Variants in DLG2 observed in about 807,000 individuals in gnomAD.
The protein encoded by DLG2 is discs large MAGUK scaffold protein 2, also known as disks large homolog 2.
DLG2 carries 45 observed loss-of-function variants against 132.5 expected under a neutral mutation model. The observed-to-expected ratio is 0.34, with a 90% confidence interval of 0.27 to 0.44. DLG2 has a LOEUF of 0.44. Among genes scored for constraint, DLG2 ranks in the 20% least tolerant of loss-of-function variants. The pLI, the probability that DLG2 is intolerant of heterozygous loss-of-function variation, is 1.00. For missense variants in DLG2, 1,045 were observed against 1,196.9 expected (o/e 0.87, Z 1.87); for synonymous variants, 424 against 419.6 (o/e 1.01, Z -0.13).
In DLG2 at chr11:83,456,213, G is replaced by A. The variant is rs993902138; in HGVS notation, c.*3605C>T. On this transcript the variant is annotated 3_prime_UTR_variant, in exon 28 of 28. Coordinates refer to ENST00000376104, the MANE Select transcript of DLG2 (RefSeq NM_001142699.3). ...TAGTGCTGGGAGTGGGCTCGCTTAG[G>A]AGCAGTGTTCAGGCAGAGGCACTCA... The A allele has an allele frequency of 6.6e-6, 1 of 152,446 alleles. No homozygotes were observed. The highest frequency in any genetic ancestry group is 2.4e-5 in the African/African-American group (1 of 41,096). The allele number at this position is 152,446 out of a possible 1,614,324, so 9.4% of individuals were successfully genotyped here.
At chr11:83,649,077 G>A (rs2069179630) in intron 18 of DLG2, among the ~76,000 whole-genome samples, 1 of 152,098 alleles carries the variant, frequency 6.6e-6, no homozygotes, top group Non-Finnish European at 1.5e-5. Context: ...TAGAGACCAG[G>A]CACAACACGG....
intron 18 of DLG2, among the ~76,000 whole-genome samples, chr11:83,710,529 C>A (rs565957810): frequency 2.4e-4 from 37 of 152,136 alleles, no homozygotes; most frequent in Non-Finnish European, 1.8e-4. Flanking sequence ...ATAGTGAGTG[C>A]CAAGATGGAC....
chr11:83,874,509 A>G, intron 15 of DLG2, 21 bp from the exon 16 acceptor site: 1 of 1,563,740 alleles, frequency 6.4e-7, no homozygotes, highest in Non-Finnish European at 8.7e-7. Context: ...AGACAGAAGA[A>G]ACACACATCA....
chr11:84,274,456 C>A (rs1426708254), intron 7 of DLG2, among the ~76,000 whole-genome samples: 1 of 152,174 alleles, frequency 6.6e-6, no homozygotes, highest in East Asian at 1.9e-4. Context: ...GAAGACCAAA[C>A]AAGGTACAAA....
chr11:84,752,542 C>T (rs192943739), intron 6 of DLG2, among the ~76,000 whole-genome samples: 58 of 149,866 alleles, frequency 3.9e-4, no homozygotes, highest in Non-Finnish European at 5.3e-4. Flanking sequence ...GATAACATGG[C>T]TGCTTCTTTG....
At chr11:85,533,112 C>A (rs1392717451) in intron 3 of DLG2, among the ~76,000 whole-genome samples, 1 of 152,158 alleles carries the variant, frequency 6.6e-6, no homozygotes, top group African/African-American at 2.4e-5. Flanking sequence ...CAACCTCCCC[C>A]TCCCGGGTTC....
At chr11:84,509,114 T>C (rs2099250286) in intron 7 of DLG2, among the ~76,000 whole-genome samples, 1 of 152,224 alleles carries the variant, frequency 6.6e-6, no homozygotes, top group African/African-American at 2.4e-5. Context: ...ATATATGAAC[T>C]AAATAAACCG....
intron 22 of DLG2, among the ~76,000 whole-genome samples, chr11:83,474,496 G>A (rs1467679280): frequency 1.3e-5 from 2 of 151,962 alleles, no homozygotes; most frequent in East Asian, 3.9e-4. Flanking sequence ...ACTTTACAGG[G>A]GAAATCTTCA....
chr11:84,603,564 GT>G (rs950410038), intron 6 of DLG2, among the ~76,000 whole-genome samples: 5 of 151,860 alleles, frequency 3.3e-5, no homozygotes, highest in Admixed American at 1.3e-4. Context: ...ATTCTTAGGG[GT>G]CAACAATAGG....
At chr11:84,481,602 T>C (rs1448220450) in intron 7 of DLG2, among the ~76,000 whole-genome samples, 1 of 152,172 alleles carries the variant, frequency 6.6e-6, no homozygotes, top group Non-Finnish European at 1.5e-5. Context: ...TCTTCAGAAG[T>C]GGCTTCTACT....
intron 6 of DLG2, among the ~76,000 whole-genome samples, chr11:84,694,536 T>C (rs2058410420): frequency 2.0e-5 from 3 of 151,536 alleles, no homozygotes. Flanking sequence ...TAAGGCATAG[T>C]AATAGAGTGA....
chr11:84,760,937 G>C (rs940228281), intron 6 of DLG2, among the ~76,000 whole-genome samples: 2 of 152,202 alleles, frequency 1.3e-5, no homozygotes, highest in Admixed American at 6.5e-5. Flanking sequence ...ATCTCGCTGA[G>C]AGCCCACCTC....
chr11:85,537,665 A>C (rs931397414), intron 3 of DLG2, among the ~76,000 whole-genome samples: 2 of 151,056 alleles, frequency 1.3e-5, no homozygotes, highest in Admixed American at 1.3e-4. Flanking sequence ...AGGAATGAAC[A>C]ACTCCAGATA....
At chr11:85,401,007 C>A (rs1170633808) in intron 3 of DLG2, among the ~76,000 whole-genome samples, 1 of 149,396 alleles carries the variant, frequency 6.7e-6, no homozygotes, top group Non-Finnish European at 1.5e-5. Context: ...CATCCTGATA[C>A]CAAAGCCTGG....
chr11:84,362,904 T>A (rs1303141945), intron 7 of DLG2, among the ~76,000 whole-genome samples: 3 of 152,176 alleles, frequency 2.0e-5, no homozygotes, highest in Non-Finnish European at 4.4e-5. Flanking sequence ...TAATCCAATC[T>A]ATCATTGTTG....
chr11:83,521,163 C>G (rs1402483533), intron 21 of DLG2, among the ~76,000 whole-genome samples: 1 of 152,206 alleles, frequency 6.6e-6, no homozygotes, highest in Non-Finnish European at 1.5e-5. Flanking sequence ...CTCCAAAGAA[C>G]AGTGTCTGGC....
At chr11:83,745,705 G>A (rs2092856642) in intron 18 of DLG2, among the ~76,000 whole-genome samples, 1 of 152,068 alleles carries the variant, frequency 6.6e-6, no homozygotes, top group Non-Finnish European at 1.5e-5. Flanking sequence ...AGGATGCTGA[G>A]ATAGGAGAAC....
At chr11:85,310,157 C>T (rs533669824) in intron 3 of DLG2, among the ~76,000 whole-genome samples, 1 of 152,080 alleles carries the variant, frequency 6.6e-6, no homozygotes, top group Non-Finnish European at 1.5e-5. Flanking sequence ...TACAAATCAC[C>T]CTAGAATAGA....
At chr11:85,169,455 T>G (rs918279569) in intron 4 of DLG2, among the ~76,000 whole-genome samples, 1 of 152,070 alleles carries the variant, frequency 6.6e-6, no homozygotes, top group Non-Finnish European at 1.5e-5. Context: ...CATACAAAAT[T>G]GAAACACAAA....
Sources: allele counts gnomAD v4.1 joint callset (sites outside exome capture counted in the v4.1 genomes callset), GRCh38; gene constraint gnomAD v4.1.1; transcripts MANE v1.5; gene names NCBI Gene and HGNC (gene_info 2026-07-23, HGNC 2026-07-21).